The following LOC400499 variants were observed in gnomAD, a reference collection of about 807,000 sequenced individuals.
At chr16:11,527,306 G>C in the LOC400499 span, among the ~76,000 whole-genome samples, 2 of 152,152 alleles carry the variant, frequency 1.3e-5, no homozygotes, top group African/African-American at 4.8e-5. Context: ...GAGGGTAGAA[G>C]GGGAGGTGGG....
At chr16:11,464,372 A>G in the LOC400499 span, among the ~76,000 whole-genome samples, 114,609 of 152,200 alleles carry the variant, frequency 0.75, 43,743 homozygotes, top group Admixed American at 0.8. Context: ...CAAGGTGCAC[A>G]TGAACAGGGT....
chr16:11,506,748 TTTTGTTTC>T, the LOC400499 span, among the ~76,000 whole-genome samples: 1 of 152,200 alleles, frequency 6.6e-6, no homozygotes, highest in African/African-American at 2.4e-5. Context: ...TGAGTCCTGG[TTTTGTTTC>T]CAGACTGAAA....
chr16:11,478,170 G>C, the LOC400499 span, among the ~76,000 whole-genome samples: 1 of 150,942 alleles, frequency 6.6e-6, no homozygotes. Context: ...TGGGACTACA[G>C]ACGCCTGCCA....
At chr16:11,526,193 T>C in the LOC400499 span, among the ~76,000 whole-genome samples, 5 of 152,242 alleles carry the variant, frequency 3.3e-5, no homozygotes, top group Non-Finnish European at 7.3e-5. Flanking sequence ...TATGTGGCTA[T>C]GAAGCATCTA....
At chr16:11,384,746 G>T in the LOC400499 span, 1 of 675,264 alleles carries the variant, frequency 1.5e-6, no homozygotes, top group Non-Finnish European at 2.1e-6. Flanking sequence ...AGGAGTTGAG[G>T]GCACACGCGC....
At chr16:11,462,227 G>A in the LOC400499 span, 82 of 1,533,578 alleles carry the variant, frequency 5.3e-5, 1 homozygote, top group South Asian at 4.2e-4. Flanking sequence ...GCTGCCCCCC[G>A]TCACCAGTTT....
chr16:11,373,000 T>G, the LOC400499 span, among the ~76,000 whole-genome samples: 3 of 152,218 alleles, frequency 2.0e-5, no homozygotes, highest in Non-Finnish European at 4.4e-5. Flanking sequence ...AACAAGCATC[T>G]GTGGAGTGCT....
chr16:11,520,734 G>A, the LOC400499 span, among the ~76,000 whole-genome samples: 1 of 151,526 alleles, frequency 6.6e-6, no homozygotes, highest in Non-Finnish European at 1.5e-5. Context: ...GTATGAAGGA[G>A]GCTCTGGGGG....
At chr16:11,430,623 G>C in the LOC400499 span, among the ~76,000 whole-genome samples, 1 of 152,200 alleles carries the variant, frequency 6.6e-6, no homozygotes, top group African/African-American at 2.4e-5. Context: ...TAAAATGTTA[G>C]TAACTGATTA....
At chr16:11,389,274 A>T in the LOC400499 span, among the ~76,000 whole-genome samples, 8 of 152,142 alleles carry the variant, frequency 5.3e-5, no homozygotes, top group African/African-American at 1.9e-4. Flanking sequence ...CTTCTCTAGC[A>T]TTTGCTACCT....
the LOC400499 span, among the ~76,000 whole-genome samples, chr16:11,425,876 C>T: frequency 1.3e-5 from 2 of 152,070 alleles, no homozygotes; most frequent in African/African-American, 4.8e-5. Context: ...TCATACCAAA[C>T]CTGACGAAAG....
chr16:11,388,100 G>T, the LOC400499 span, among the ~76,000 whole-genome samples: 1 of 152,084 alleles, frequency 6.6e-6, no homozygotes, highest in African/African-American at 2.4e-5. Flanking sequence ...GAGGGAGCAG[G>T]GGCAGGTGGC....
At chr16:11,519,707 C>CTTT in the LOC400499 span, among the ~76,000 whole-genome samples, 1 of 141,788 alleles carries the variant, frequency 7.1e-6, no homozygotes, top group African/African-American at 2.6e-5. Context: ...TGTGACTCCA[C>CTTT]TTTTTTTTTT....
the LOC400499 span, chr16:11,484,883 T>C: frequency 2.5e-6 from 1 of 399,176 alleles, no homozygotes; most frequent in Non-Finnish European, 4.4e-6. Flanking sequence ...CCTTACCTTC[T>C]GCTGTAGGTA....
chr16:11,372,107 G>A, the LOC400499 span: 7 of 152,344 alleles, frequency 4.6e-5, no homozygotes, highest in East Asian at 1.3e-3. Context: ...GATGTAGCCT[G>A]GAGGCCTGAG....
At chr16:11,375,485 T>TG in the LOC400499 span, among the ~76,000 whole-genome samples, 8 of 140,084 alleles carry the variant, frequency 5.7e-5, 2 homozygotes, top group African/African-American at 2.3e-4. Flanking sequence ...GGCTAATTTT[T>TG]TATTTTTAGT....
At chr16:11,455,982 C>G in the LOC400499 span, among the ~76,000 whole-genome samples, 1 of 150,886 alleles carries the variant, frequency 6.6e-6, no homozygotes, top group Non-Finnish European at 1.5e-5. Flanking sequence ...CACTTTTAAA[C>G]AAGGTATCGC....
chr16:11,524,652 G>A, the LOC400499 span, among the ~76,000 whole-genome samples: 1 of 152,278 alleles, frequency 6.6e-6, no homozygotes, highest in Admixed American at 6.5e-5. Flanking sequence ...ATGAGCAGAT[G>A]TGGTGAGGTG....
the LOC400499 span, among the ~76,000 whole-genome samples, chr16:11,452,399 G>A: frequency 2.7e-4 from 41 of 152,192 alleles, no homozygotes; most frequent in South Asian, 3.9e-3. Flanking sequence ...CCACTGCTGC[G>A]GGAGGCTAGG....
Sources: allele counts gnomAD v4.1 joint callset (sites outside exome capture counted in the v4.1 genomes callset), GRCh38; gene constraint gnomAD v4.1.1; transcripts MANE v1.5.